NBN: variants seen among roughly 807,000 people sequenced by gnomAD.
The protein encoded by NBN is nibrin.
A neutral mutation model predicts 90.8 loss-of-function variants in NBN; 88 were observed. That is an observed-to-expected ratio of 0.97 (90% CI 0.82 to 1.16). NBN has a LOEUF of 1.16. Among genes scored for constraint, NBN ranks in the 50% most tolerant of loss-of-function variants. NBN has a pLI of 0.00. For synonymous variants in NBN, 328 were observed against 295.1 expected (o/e 1.11, Z -1.14); for missense variants, 894 against 869.6 (o/e 1.03, Z -0.35).
Position 89,943,263 on chromosome 8 carries a change from T to G in NBN, c.2174A>C (p.Gln725Pro), listed in dbSNP as rs878854510. The change falls in exon 14 of 16, where the codon CAG becomes CCG. Residue 725 changes from glutamine to proline, a missense_variant. Transcript: ENST00000265433. Reference protein sequence around the residue: ...KNTELEEWLRQEMEVQNQHAK... With the variant: ...KNTELEEWLRPEMEVQNQHAK... Reference sequence around the variant, plus strand: ...TCACTTCCTACTAACCTCCATTTCCTGCCTTAGCCACTCTTCTAGTTCTGT... The same window carrying G: ...TCACTTCCTACTAACCTCCATTTCCGGCCTTAGCCACTCTTCTAGTTCTGT... 6.2e-7 allele frequency: 1 copy of G among 1,613,738 alleles called. No homozygotes were observed. The highest frequency in any genetic ancestry group is 1.7e-5 in the Admixed American group (1 of 60,000).
rs1060503464 is a variant in NBN, at chr8:89,978,304, C to T, written c.500G>A (p.Cys167Tyr). 6.3e-7 allele frequency: 1 copy of T among 1,587,920 alleles called. No individual in the cohort carries two copies. Among genetic ancestry groups the T allele is most frequent in the African/African-American group, 1.3e-5 (1 of 74,268 alleles). Residue 167 changes from cysteine (C) to tyrosine (Y), a missense_variant, in exon 5 of 16, where the codon TGT becomes TAT. Cys to Tyr is a radical substitution (Grantham distance 194). Coordinates refer to ENST00000265433, the MANE Select transcript of NBN (RefSeq NM_002485.5). ...VTIKTICALI[C>Y]GRPIVKPEYF... is the part of the protein sequence containing the mutation. The stretch of plus-strand genomic sequence containing the variant: ...TTCTGGCTTTACAATTGGACGTCCA[C>T]AAATGAGTGCACATATTGTCTACAA...
At chr8:89,969,721 G>A (rs1811417277) in intron 7 of NBN, among the ~76,000 whole-genome samples, 2 of 152,192 alleles carry the variant, frequency 1.3e-5, no homozygotes. Flanking sequence ...GGAGGCCGAG[G>A]TGGGTGGATC....
chr8:89,981,617 G>T, intron 2 of NBN, 94 bp from the exon 3 acceptor site: 1 of 1,344,296 alleles, frequency 7.4e-7, no homozygotes, highest in Non-Finnish European at 1.0e-6. Flanking sequence ...ATAGGCAGGT[G>T]GCTAACCTCC....
chr8:89,967,081 C>G (rs958458706), intron 7 of NBN, among the ~76,000 whole-genome samples: 2 of 152,168 alleles, frequency 1.3e-5, no homozygotes, highest in Admixed American at 6.5e-5. Context: ...AAAACTGATT[C>G]CTAACCAGGG....
intron 9 of NBN, among the ~76,000 whole-genome samples, chr8:89,955,980 T>C (rs1268675116): frequency 1.3e-5 from 2 of 151,668 alleles, no homozygotes; most frequent in Non-Finnish European, 2.9e-5. Flanking sequence ...TTATTAAAAA[T>C]GGAAAATCAG....
chr8:89,982,930 T>C, intron 1 of NBN, 75 bp from the exon 2 acceptor site: 3 of 1,424,728 alleles, frequency 2.1e-6, no homozygotes, highest in Non-Finnish European at 2.9e-6. Context: ...CACATACATG[T>C]AAGTGTATAT....
chr8:89,947,779 C>A lies in NBN; in HGVS notation c.1914+45G>T, dbSNP rs763064709. 4 of 1,101,692 alleles carry A rather than the reference C, an allele frequency of 3.6e-6. No homozygotes were observed. In the South Asian group the frequency reaches 5.3e-5, roughly 15 times the overall value. 68.2% of individuals were successfully genotyped at this position (1,101,692 alleles called of 1,614,324 possible). On this transcript the variant is annotated intron_variant, in intron 12 of 15. Transcript: ENST00000265433. ...TCACAAAAATTGATGAGATGACAGT[C>A]CCCGTAAGCCAAATCTGTATAAAAA...
rs786205135 is a variant in NBN at position 89,970,418 on chromosome 8, A to C, written c.842T>G (p.Leu281Ter). The C allele has an allele frequency of 1.2e-6, 2 of 1,613,896 alleles. No individual in the cohort carries two copies. The highest frequency in any genetic ancestry group is 3.3e-5 in the Admixed American group (2 of 59,994). Residue 281 changes from leucine (L) to a stop codon, truncating the protein, a stop_gained, in exon 7 of 16, where the codon TTA becomes TGA. Coordinates refer to ENST00000265433, the MANE Select transcript of NBN (RefSeq NM_002485.5). LOFTEE classifies it high-confidence loss of function. ...CCATTTCTTCTGACAGTCAGGAATT[A>C]AGGTCTGTGAGTTTGTTATTCCTGT... ...VDTGITNSQT[L>*]IPDCQKKWIQ...
At chr8:89,973,404 A>G (rs1338436617) in intron 5 of NBN, among the ~76,000 whole-genome samples, 3 of 152,226 alleles carry the variant, frequency 2.0e-5, no homozygotes, top group Non-Finnish European at 2.9e-5. Flanking sequence ...TTGAGCCCCA[A>G]TACTTGGTAA....
At chr8:89,968,075 T>C (rs1416202151) in intron 7 of NBN, among the ~76,000 whole-genome samples, 1 of 151,956 alleles carries the variant, frequency 6.6e-6, no homozygotes, top group Non-Finnish European at 1.5e-5. Flanking sequence ...CTGGGCAACA[T>C]GGCAAAACCC....
chr8:89,948,288 G>A (rs577620486), intron 11 of NBN, among the ~76,000 whole-genome samples: 1 of 152,254 alleles, frequency 6.6e-6, no homozygotes, highest in South Asian at 2.1e-4. Flanking sequence ...GTCTGTAGAT[G>A]GTAGGATTAT....
chr8:89,956,396 G>A (rs1035016234), intron 9 of NBN, among the ~76,000 whole-genome samples: 2 of 151,740 alleles, frequency 1.3e-5, no homozygotes, highest in South Asian at 2.1e-4. Context: ...AAAAACATAC[G>A]GTTGTAAATA....
At chr8:89,967,435 C>T (rs151301517) in intron 7 of NBN, among the ~76,000 whole-genome samples, 135 of 152,250 alleles carry the variant, frequency 8.9e-4, no homozygotes, top group African/African-American at 3.2e-3. Flanking sequence ...TTTTAGATGA[C>T]AGATTTTTTC....
At chr8:89,958,020 CATCT>C (rs1306956923) in intron 9 of NBN, among the ~76,000 whole-genome samples, 1 of 152,128 alleles carries the variant, frequency 6.6e-6, no homozygotes, top group African/African-American at 2.4e-5. Context: ...TAGTCAGTCC[CATCT>C]GAGGGTGATG....
intron 5 of NBN, among the ~76,000 whole-genome samples, chr8:89,977,542 C>T (rs1811824604): frequency 6.6e-6 from 1 of 152,108 alleles, no homozygotes; most frequent in Non-Finnish European, 1.5e-5. Context: ...CATATGTGTG[C>T]ATGTGTCTTT....
At chr8:89,971,717 T>G (rs1050091722) in intron 5 of NBN, among the ~76,000 whole-genome samples, 1 of 152,206 alleles carries the variant, frequency 6.6e-6, no homozygotes, top group African/African-American at 2.4e-5. Flanking sequence ...GCACAATCTA[T>G]TATGAGTGTT....
chr8:89,981,607 AT>A, intron 2 of NBN, 84 bp from the exon 3 acceptor site: 1 of 1,475,746 alleles, frequency 6.8e-7, no homozygotes, highest in Non-Finnish European at 9.3e-7. Context: ...AGAAAAGACA[AT>A]AGGCAGGTGG....
At chr8:89,935,713 G>A (rs1586021370) in intron 15 of NBN, 101 bp from the exon 16 acceptor site, 1 of 1,416,692 alleles carries the variant, frequency 7.1e-7, no homozygotes, top group Non-Finnish European at 9.8e-7. Context: ...TGGCAAATAG[G>A]ATGGGAATGA....
At position 89,980,817 on chromosome 8, in the gene NBN, A is replaced by G. The variant is rs1229464840; in HGVS notation, c.397T>C (p.Leu133=). The G allele has an allele frequency of 9.9e-6, 16 of 1,612,928 alleles. No homozygotes were observed. Among genetic ancestry groups the G allele is most frequent in the Non-Finnish European group, 1.4e-5 (16 of 1,179,096 alleles). The change falls in exon 4 of 16, where the codon TTG becomes CTG. Residue 133 remains leucine, a synonymous_variant. Coordinates refer to ENST00000265433, the MANE Select transcript of NBN (RefSeq NM_002485.5). ...SGKTALNQAI[L]QLGGFTVNNW... ...TTTACAGTAAATCCTCCAAGTTGCA[A>G]TATAGCTTGATTTAAAGCAGTTTTC...
Sources: allele counts gnomAD v4.1 joint callset (sites outside exome capture counted in the v4.1 genomes callset), GRCh38; gene constraint gnomAD v4.1.1; transcripts MANE v1.5; gene names NCBI Gene and HGNC (gene_info 2026-07-23, HGNC 2026-07-21).